Variants in FAM240B observed in about 807,000 individuals in gnomAD.
The protein encoded by FAM240B is family with sequence similarity 240 member B.
intron 1 of FAM240B, among the ~76,000 whole-genome samples, chr9:38,718,428 A>G (rs1821333106): frequency 6.6e-6 from 1 of 152,230 alleles, no homozygotes; most frequent in African/African-American, 2.4e-5. Context: ...TCTCAATGAC[A>G]TAACAGTATG....
At position 38,694,360 on chromosome 9, in the gene FAM240B, T is replaced by A. The variant is rs1821041872; in HGVS notation, c.*416A>T. ...AAGGACAAGATTTTATGACTCTTTT[T>A]CCAGGACACCTGGCAAAGCCAAATT... is the stretch of plus-strand genomic sequence containing the variant. On this transcript the variant is annotated 3_prime_UTR_variant, in exon 3 of 3. Transcript: ENST00000637493. 6.4e-6 allele frequency: 1 copy of A among 157,204 alleles called. No homozygotes were observed. Among genetic ancestry groups the A allele is most frequent in the South Asian group, 2.1e-4 (1 of 4,866 alleles). The allele number at this position is 157,204 out of a possible 1,614,324, so 9.7% of individuals were successfully genotyped here. A position where few individuals can be genotyped will look rare whatever the true frequency, so the allele number is the denominator to read the frequency against.
intron 2 of FAM240B, among the ~76,000 whole-genome samples, chr9:38,697,834 G>T (rs1563998803): frequency 6.6e-6 from 1 of 152,208 alleles, no homozygotes; most frequent in Non-Finnish European, 1.5e-5. Flanking sequence ...GCTTGAAATA[G>T]ACTGTGGTGG....
chr9:38,718,217 T>C (rs1564002700), intron 1 of FAM240B, among the ~76,000 whole-genome samples: 1 of 152,216 alleles, frequency 6.6e-6, no homozygotes, highest in Non-Finnish European at 1.5e-5. Flanking sequence ...TTGGGTCTAT[T>C]ACAAAAAATT....
intron 1 of FAM240B, among the ~76,000 whole-genome samples, chr9:38,718,016 C>A (rs74490900): frequency 1.3e-5 from 2 of 152,094 alleles, no homozygotes; most frequent in South Asian, 4.1e-4. Context: ...TATATGCGTA[C>A]GTATGTGTAC....
intron 1 of FAM240B, among the ~76,000 whole-genome samples, chr9:38,713,964 C>T (rs1587594372): frequency 6.6e-6 from 1 of 152,190 alleles, no homozygotes; most frequent in Non-Finnish European, 1.5e-5. Flanking sequence ...CCCCTCACAA[C>T]TTCTTATGCA....
intron 1 of FAM240B, among the ~76,000 whole-genome samples, chr9:38,716,060 T>C (rs1307380442): frequency 6.6e-6 from 1 of 152,182 alleles, no homozygotes; most frequent in African/African-American, 2.4e-5. Context: ...TTTGCCTCTA[T>C]GCCTGTTTGG....
At chr9:38,713,030 C>T (rs755254628) in intron 1 of FAM240B, among the ~76,000 whole-genome samples, 6 of 152,182 alleles carry the variant, frequency 3.9e-5, no homozygotes, top group Non-Finnish European at 7.3e-5. Context: ...TTGGATCCAT[C>T]CAGGTCCATT....
intron 2 of FAM240B, among the ~76,000 whole-genome samples, chr9:38,695,920 G>A (rs1296769689): frequency 6.6e-6 from 1 of 152,212 alleles, no homozygotes; most frequent in Non-Finnish European, 1.5e-5. Flanking sequence ...TTCACAAGGG[G>A]TTAAGGCTAC....
chr9:38,698,587 A>G (rs1563998900), intron 2 of FAM240B, among the ~76,000 whole-genome samples: 1 of 152,334 alleles, frequency 6.6e-6, no homozygotes, highest in East Asian at 1.9e-4. Context: ...AACATTCATC[A>G]GCACACCAGT....
At chr9:38,719,021 G>A (rs960439971) in intron 1 of FAM240B, among the ~76,000 whole-genome samples, 2 of 152,018 alleles carry the variant, frequency 1.3e-5, no homozygotes, top group Non-Finnish European at 2.9e-5. Flanking sequence ...CAGGTTCATT[G>A]AGGTCCATCT....
chr9:38,707,626 CAAAAAAAAAA>C (rs1564000647), intron 1 of FAM240B, among the ~76,000 whole-genome samples: 10 of 124,612 alleles, frequency 8.0e-5, no homozygotes, highest in African/African-American at 2.5e-4. Context: ...AAAAAAAAAA[CAAAAAAAAAA>C]CCAAAAAATT....
At chr9:38,699,153 T>G (rs958131891) in intron 2 of FAM240B, among the ~76,000 whole-genome samples, 2 of 152,238 alleles carry the variant, frequency 1.3e-5, no homozygotes, top group Non-Finnish European at 2.9e-5. Context: ...TTGTTCTAGA[T>G]TCTTCTGATT....
chr9:38,712,051 C>T (rs191861081), intron 1 of FAM240B, among the ~76,000 whole-genome samples: 4 of 152,064 alleles, frequency 2.6e-5, no homozygotes, highest in Non-Finnish European at 5.9e-5. Flanking sequence ...CAGATTTTGC[C>T]GGCAGTATAT....
chr9:38,694,505 A>G lies in FAM240B; in HGVS notation c.*271T>C. ...ATACTAGGCTACATGGGTCTGTGAG[A>G]CCTGGAGAGTGCTAATTCCAAGAGC... On this transcript the variant is annotated 3_prime_UTR_variant, in exon 3 of 3. Transcript: ENST00000637493. 1 of 323,252 alleles carries G rather than the reference A, an allele frequency of 3.1e-6. No individual in the cohort carries two copies. The highest frequency in any genetic ancestry group is 5.6e-6 in the Non-Finnish European group (1 of 178,836). The allele number at this position is 323,252 out of a possible 1,614,324, so 20.0% of individuals were successfully genotyped here.
chr9:38,700,184 C>A lies in FAM240B; in HGVS notation c.143+3673G>T, dbSNP rs544040072. On this transcript the variant is annotated intron_variant, in intron 2 of 2. Transcript: ENST00000637493. ...AATCTAACTAAAAATTTTCTCCCTG[C>A]TTATTCTTTGTAGACTAACTCTTGT... Among the ~76,000 whole-genome samples the A allele has an allele frequency of 4.6e-4, 70 of 152,310 alleles. 1 individual carries two copies. Among genetic ancestry groups the A allele is most frequent in the African/African-American group, 1.6e-3 (66 of 41,562 alleles).
Position 38,694,557 on chromosome 9 carries a change from T to C in FAM240B, c.*219A>G, listed in dbSNP as rs1158795859. 4 of 383,488 alleles carry C rather than the reference T, an allele frequency of 1.0e-5. No homozygotes were observed. Among genetic ancestry groups the C allele is most frequent in the Non-Finnish European group, 9.2e-6 (2 of 217,100 alleles). 23.8% of individuals were successfully genotyped at this position (383,488 alleles called of 1,614,324 possible). A position where few individuals can be genotyped will look rare whatever the true frequency, so the allele number is the denominator to read the frequency against. On this transcript the variant is annotated 3_prime_UTR_variant, in exon 3 of 3. Transcript: ENST00000637493. ...CTTTTATTAAATAGCCCAAGCGTCC[T>C]ATCCCACTTGCGGTCATCCTGTCCT...
chr9:38,712,479 C>A (rs1821266609), intron 1 of FAM240B, among the ~76,000 whole-genome samples: 1 of 152,180 alleles, frequency 6.6e-6, no homozygotes, highest in Admixed American at 6.5e-5. Flanking sequence ...GTACCAAATG[C>A]CATCTCATTT....
At chr9:38,703,743 T>A in intron 2 of FAM240B, 114 bp downstream of exon 2, 1 of 397,082 alleles carries the variant, frequency 2.5e-6, no homozygotes, top group Non-Finnish European at 4.4e-6. Context: ...GTACAGCATA[T>A]GTACCTTCCT....
intron 1 of FAM240B, among the ~76,000 whole-genome samples, chr9:38,711,130 C>A (rs531381003): frequency 6.6e-6 from 1 of 152,188 alleles, no homozygotes. Flanking sequence ...TGATTCTCTG[C>A]GCATCACATC....
Sources: allele counts gnomAD v4.1 joint callset (sites outside exome capture counted in the v4.1 genomes callset), GRCh38; gene constraint gnomAD v4.1.1; transcripts MANE v1.5; gene names NCBI Gene and HGNC (gene_info 2026-07-23, HGNC 2026-07-21).